MYO7A: variants seen among roughly 807,000 people sequenced by gnomAD.
The protein encoded by MYO7A is unconventional myosin-VIIa.
MYO7A carries 210 observed loss-of-function variants against 263.8 expected under a neutral mutation model. The ratio of observed to expected loss-of-function variants is 0.80; its 90% confidence interval spans 0.71 to 0.89. The LOEUF (loss-of-function observed/expected upper bound fraction) is 0.89. Ranked by LOEUF, MYO7A falls within the 40% of genes least tolerant of loss-of-function variation. The pLI is 0.00. For missense variants in MYO7A, 2,820 were observed against 2,968.3 expected (o/e 0.95, Z 1.16); for synonymous variants, 1,239 against 1,197.3 (o/e 1.03, Z -0.72).
At position 77,181,402 on chromosome 11, in the gene MYO7A, G is replaced by C. The variant is rs868977760; in HGVS notation, c.2717G>C (p.Arg906Pro). ...KHQERLAQLA[R>P]EDAERELKEK... ...CAGGAGCGCCTGGCCCAGCTGGCTC[G>C]TGAGGACGCTGAGCGGGAGCTGAAG... The change falls in exon 23 of 49, where the codon CGT becomes CCT. Residue 906 changes from arginine (R) to proline (P), a missense_variant. Arg to Pro is a moderately radical substitution (Grantham distance 103). Coordinates refer to ENST00000409709, the MANE Select transcript of MYO7A (RefSeq NM_000260.4). 1 of 1,576,214 alleles carries C rather than the reference G, an allele frequency of 6.3e-7. No individual in the cohort carries two copies. The highest frequency in any genetic ancestry group is 8.6e-7 in the Non-Finnish European group (1 of 1,161,760).
In MYO7A at chr11:77,138,141, C is replaced by T. The variant is rs1193507504; in HGVS notation, c.19-4568C>T. On this transcript the variant is annotated intron_variant, in intron 2 of 48. Transcript: ENST00000409709. The surrounding 1 kb of genome is among the most constrained non-coding windows in gnomAD (Gnocchi z 4.9). ...GGGGTTCGGCCGAGACGGAGGGGGC[C>T]GGGGTGGCGCGGGCGCCCCCTCGCC... Among the ~76,000 whole-genome samples, 1 of 152,024 alleles carries T rather than the reference C, an allele frequency of 6.6e-6. No individual in the cohort carries two copies. The highest frequency in any genetic ancestry group is 1.5e-5 in the Non-Finnish European group (1 of 67,964).
intron 2 of MYO7A, among the ~76,000 whole-genome samples, chr11:77,141,332 G>A (rs1434134757): frequency 6.6e-6 from 1 of 152,218 alleles, no homozygotes; most frequent in African/African-American, 2.4e-5. Context: ...AGAGAGGTCA[G>A]CGACTCACCC....
At chr11:77,205,395 G>C (rs999979318) in intron 39 of MYO7A, 67 bp from the exon 40 acceptor site, 4 of 1,514,966 alleles carry the variant, frequency 2.6e-6, no homozygotes, top group Non-Finnish European at 3.5e-6. Context: ...CCCTCACCCG[G>C]GGGTGCACAG....
intron 3 of MYO7A, 37 bp downstream of exon 3, chr11:77,142,859 G>A (rs1951313283): frequency 9.2e-6 from 14 of 1,529,058 alleles, no homozygotes; most frequent in Non-Finnish European, 1.2e-5. Flanking sequence ...CCCATGCCTT[G>A]GGGTCAGACC....
intron 30 of MYO7A, 83 bp downstream of exon 30, chr11:77,190,953 C>A: frequency 7.1e-7 from 1 of 1,403,526 alleles, no homozygotes; most frequent in South Asian, 1.4e-5. Context: ...ACCTACTTGC[C>A]GGGGCTATTC....
intron 27 of MYO7A, 72 bp downstream of exon 27, chr11:77,184,787 AG>A (rs1463950905): frequency 6.4e-7 from 1 of 1,568,252 alleles, no homozygotes; most frequent in African/African-American, 1.4e-5. Context: ...CTGTCAACCT[AG>A]CAAGAGATTA....
In MYO7A at chr11:77,208,816, G is replaced by A. The variant is rs1275958670; in HGVS notation, c.6051+13G>A. On this transcript the variant is annotated intron_variant, in intron 44 of 48. Transcript: ENST00000409709. ...CCACTATTACCAGGTGGGCACCTCTGCACTCTAGTTGCCTTCGTGCACAGC... is the reference window on the plus strand; with the variant it reads ...CCACTATTACCAGGTGGGCACCTCTACACTCTAGTTGCCTTCGTGCACAGC... 2.0e-6 allele frequency: 3 copies of A among 1,534,116 alleles called. No individual in the cohort carries two copies. The African/African-American group carries it at 4.1e-5, about 21-fold the overall frequency.
chr11:77,168,738 G>A (rs548860878), intron 15 of MYO7A, among the ~76,000 whole-genome samples: 12 of 152,252 alleles, frequency 7.9e-5, no homozygotes, highest in East Asian at 1.9e-4. Flanking sequence ...GTTGGAGGCC[G>A]CAGTGAGTTG....
chr11:77,147,687 G>A, intron 3 of MYO7A, 111 bp from the exon 4 acceptor site: 1 of 1,406,054 alleles, frequency 7.1e-7, no homozygotes, highest in South Asian at 1.3e-5. Flanking sequence ...AGAGGTCGAG[G>A]CCCTTACCCG....
At position 77,205,495 on chromosome 11, in the gene MYO7A, G is replaced by C; in HGVS notation, c.5514G>C (p.Trp1838Cys). 6.3e-7 allele frequency: 1 copy of C among 1,591,730 alleles called. No homozygotes were observed. Among genetic ancestry groups the C allele is most frequent in the Non-Finnish European group, 8.5e-7 (1 of 1,169,898 alleles). Residue 1838 changes from tryptophan to cysteine, a missense_variant, in exon 40 of 49, where the codon TGG (tryptophan) becomes TGC (cysteine). Coordinates refer to ENST00000409709, the MANE Select transcript of MYO7A (RefSeq NM_000260.4). ...YSEERGWELL[W>C]LCTGLFPPSN... ...AGGAGCGGGGTTGGGAGCTGCTCTGGCTGTGCACGGGCCTTTTCCCACCCA... is the reference window on the plus strand; with the variant it reads ...AGGAGCGGGGTTGGGAGCTGCTCTGCCTGTGCACGGGCCTTTTCCCACCCA...
Position 77,162,882 on chromosome 11 carries a change from G to GAACTCCCAGCACAAGCTC in MYO7A, c.1588_1605dup (p.Ser530_Asn535dup), listed in dbSNP as rs1555070084. 2.5e-6 allele frequency: 4 copies of GAACTCCCAGCACAAGCTC among 1,613,626 alleles called. No homozygotes were observed. Among genetic ancestry groups the GAACTCCCAGCACAAGCTC allele is most frequent in the East Asian group, 2.2e-5 (1 of 44,858 alleles). The stretch of plus-strand genomic sequence containing the variant: ...CAGACACCACCATGTTACACAAGCT[G>GAACTCCCAGCACAAGCTC]AACTCCCAGCACAAGCTCAACGCCA... On this transcript the variant is annotated inframe_insertion, in exon 14 of 49. Transcript: ENST00000409709.
At chr11:77,160,033 C>T (rs1952837028) in intron 10 of MYO7A, 130 bp from the exon 11 acceptor site, 7 of 1,379,616 alleles carry the variant, frequency 5.1e-6, no homozygotes, top group African/African-American at 1.4e-5. Flanking sequence ...TGGCCGTGGG[C>T]CCTGGGGCAG....
intron 16 of MYO7A, among the ~76,000 whole-genome samples, chr11:77,174,198 A>T (rs1565387936): frequency 6.6e-6 from 1 of 151,746 alleles, no homozygotes; most frequent in Non-Finnish European, 1.5e-5. Context: ...CCCTCCACCA[A>T]CCAAACCCCA....
intron 35 of MYO7A, among the ~76,000 whole-genome samples, chr11:77,200,460 C>T (rs1196048252): frequency 2.0e-5 from 3 of 152,162 alleles, no homozygotes. Flanking sequence ...AGAGTGAGAA[C>T]TCACTCATTA....
intron 26 of MYO7A, among the ~76,000 whole-genome samples, chr11:77,184,035 C>T (rs1555086680): frequency 6.6e-6 from 1 of 152,202 alleles, no homozygotes; most frequent in Non-Finnish European, 1.5e-5. Flanking sequence ...CTGCCGCTCG[C>T]CTCTCACTCA....
intron 31 of MYO7A, 157 bp from the exon 32 acceptor site, chr11:77,194,197 T>TTCCC: frequency 1.1e-6 from 1 of 892,070 alleles, no homozygotes; most frequent in Non-Finnish European, 1.8e-6. Flanking sequence ...CAGACAAGAA[T>TTCCC]TCCCTGGTGA....
intron 20 of MYO7A, among the ~76,000 whole-genome samples, chr11:77,179,474 A>G (rs951023162): frequency 1.3e-5 from 2 of 152,204 alleles, no homozygotes; most frequent in African/African-American, 4.8e-5. Context: ...GATGGGAAGC[A>G]GACTGGTTGG....
intron 19 of MYO7A, among the ~76,000 whole-genome samples, chr11:77,178,829 G>A (rs562513288): frequency 6.6e-6 from 1 of 152,098 alleles, no homozygotes; most frequent in Non-Finnish European, 1.5e-5. Context: ...TACCTTCATG[G>A]GCTTATGTGA....
intron 14 of MYO7A, among the ~76,000 whole-genome samples, chr11:77,163,944 G>A (rs372857873): frequency 1.6e-4 from 24 of 152,222 alleles, no homozygotes; most frequent in African/African-American, 5.8e-4. Flanking sequence ...CTCAATGCTT[G>A]TTTGCACATT....
Sources: allele counts gnomAD v4.1 joint callset (sites outside exome capture counted in the v4.1 genomes callset), GRCh38; gene constraint gnomAD v4.1.1; non-coding constraint Gnocchi (gnomAD v3.1); transcripts MANE v1.5; gene names NCBI Gene and HGNC (gene_info 2026-07-23, HGNC 2026-07-21).